SLIT3: variants seen among roughly 807,000 people sequenced by gnomAD.
The protein encoded by SLIT3 is slit guidance ligand 3, also known as slit homolog 3 protein.
Under a neutral mutation model 184.0 loss-of-function variants are expected in SLIT3, and 68 were observed. The ratio of observed to expected loss-of-function variants is 0.37; its 90% CI spans 0.30 to 0.45. The LOEUF (loss-of-function observed/expected upper bound fraction) is 0.45. SLIT3 is among the 20% of genes least tolerant of loss of function. The probability of loss-of-function intolerance (pLI) is 1.00; values close to 1 mark genes in which losing one functional copy is unlikely to be tolerated. For missense variants in SLIT3, 1,707 were observed against 2,026.0 expected (o/e 0.84, Z 3.02); for synonymous variants, 831 against 828.6 (o/e 1.00, Z -0.05).
intron 23 of SLIT3, among the ~76,000 whole-genome samples, chr5:168,717,121 T>C (rs1001961708): frequency 6.6e-5 from 8 of 121,886 alleles, no homozygotes; most frequent in African/African-American, 3.4e-5. Context: ...GTCTCAGTCC[T>C]GGAAGCACAA....
chr5:169,274,991 T>C (rs1243687118), intron 1 of SLIT3, among the ~76,000 whole-genome samples: 1 of 152,256 alleles, frequency 6.6e-6, no homozygotes, highest in Non-Finnish European at 1.5e-5. Context: ...AAGTGATCTA[T>C]AAACGTTAGC....
intron 4 of SLIT3, among the ~76,000 whole-genome samples, chr5:169,188,193 A>C (rs761683019): frequency 6.6e-6 from 1 of 152,180 alleles, no homozygotes; most frequent in Admixed American, 6.5e-5. Context: ...TCCTGAGCTC[A>C]GGCAATCCGA....
rs769663567 is a variant in SLIT3, at chr5:168,844,631, G to A, written c.510C>T (p.Ser170=). Residue 170 remains serine (S), a synonymous_variant, in exon 6 of 36, where the codon AGC becomes AGT. Transcript: ENST00000519560. ...KNLQLDNNHI[S]CIEDGAFRAL... ...CTCGGAAGGCTCCATCTTCAATGCA[G>A]CTGATGTGGTTGTTGTCCAGTTGCC... 1.7e-5 allele frequency: 28 copies of A among 1,614,092 alleles called. No individual in the cohort carries two copies. The highest frequency in any genetic ancestry group is 1.3e-4 in the East Asian group (6 of 44,882).
intron 14 of SLIT3, among the ~76,000 whole-genome samples, chr5:168,771,198 G>A (rs968273918): frequency 1.3e-5 from 2 of 152,162 alleles, no homozygotes; most frequent in Non-Finnish European, 2.9e-5. Context: ...CGTGAGTCAT[G>A]AGGAAAGGTG....
At chr5:169,245,234 A>G (rs1301342641) in intron 2 of SLIT3, among the ~76,000 whole-genome samples, 1 of 152,070 alleles carries the variant, frequency 6.6e-6, no homozygotes, top group Non-Finnish European at 1.5e-5. Flanking sequence ...GTCGCTAAGA[A>G]AACCAGCCTG....
intron 23 of SLIT3, among the ~76,000 whole-genome samples, chr5:168,721,978 G>C (rs955156122): frequency 3.3e-5 from 5 of 152,186 alleles, no homozygotes; most frequent in African/African-American, 1.2e-4. Flanking sequence ...CACAAAGGAG[G>C]TGCTATTGAT....
At chr5:168,735,661 TACACACAC>T (rs150528782) in intron 20 of SLIT3, among the ~76,000 whole-genome samples, 1,789 of 142,158 alleles carry the variant, frequency 0.013, 27 homozygotes, top group African/African-American at 0.038. Context: ...GACAGATAGA[TACACACAC>T]ACACACACAC....
At position 168,665,130 on chromosome 5, in the gene SLIT3, G is replaced by A. The variant is rs1229643707; in HGVS notation, c.*1324C>T. The A allele has an allele frequency of 6.6e-6, 1 of 152,214 alleles. No individual in the cohort carries two copies. Among genetic ancestry groups the A allele is most frequent in the Non-Finnish European group, 1.5e-5 (1 of 68,076 alleles). The allele number at this position is 152,214 out of a possible 1,614,324, so 9.4% of individuals were successfully genotyped here. A position where few individuals can be genotyped will look rare whatever the true frequency, so the allele number is the denominator to read the frequency against. On this transcript the variant is annotated 3_prime_UTR_variant, in exon 36 of 36. Transcript: ENST00000519560. Reference sequence around the variant, plus strand: ...CTGGTCTGGCTCCTCCACTTATCTGGTGTGTGGCTTAAGGCAAGTTCCAGA... The same window carrying A: ...CTGGTCTGGCTCCTCCACTTATCTGATGTGTGGCTTAAGGCAAGTTCCAGA...
chr5:169,255,285 G>A (rs768591394), intron 1 of SLIT3, among the ~76,000 whole-genome samples: 16 of 152,246 alleles, frequency 1.1e-4, no homozygotes, highest in Middle Eastern at 3.4e-3. Context: ...TCCTTGAGGA[G>A]GTATTCCAGA....
chr5:168,683,942 GTC>G (rs1186103765), intron 32 of SLIT3, 22 bp downstream of exon 32: 1 of 1,491,220 alleles, frequency 6.7e-7, no homozygotes, highest in East Asian at 2.5e-5. Flanking sequence ...CACACAGTGG[GTC>G]AGGAGGGAGA....
intron 1 of SLIT3, among the ~76,000 whole-genome samples, chr5:169,298,178 G>A (rs759747624): frequency 1.5e-4 from 23 of 152,026 alleles, no homozygotes; most frequent in African/African-American, 4.8e-4. Flanking sequence ...ATACCATCGC[G>A]GCACCCCCAT....
intron 1 of SLIT3, among the ~76,000 whole-genome samples, chr5:169,275,195 T>A (rs984848572): frequency 6.6e-6 from 1 of 152,176 alleles, no homozygotes; most frequent in African/African-American, 2.4e-5. Flanking sequence ...GTACTTCTCA[T>A]GCATAGGTGC....
At chr5:169,131,133 A>G (rs965039948) in intron 4 of SLIT3, among the ~76,000 whole-genome samples, 1 of 152,196 alleles carries the variant, frequency 6.6e-6, no homozygotes, top group Non-Finnish European at 1.5e-5. Context: ...AAGTTAGCTC[A>G]CCCATTGGCT....
At position 168,666,299 on chromosome 5, in the gene SLIT3, T is replaced by TTTTTG; in HGVS notation, c.*150_*154dup. 1 of 638,228 alleles carries TTTTTG rather than the reference T, an allele frequency of 1.6e-6. No individual in the cohort carries two copies. Among genetic ancestry groups the TTTTTG allele is most frequent in the Non-Finnish European group, 2.4e-6 (1 of 416,540 alleles). The allele number at this position is 638,228 out of a possible 1,614,324, so 39.5% of individuals were successfully genotyped here. ...TTTCCATAATAAAAATAAGTTCTATTTTTTGTTTATTTTACAATATACTTA... is the reference window on the plus strand; with the variant it reads ...TTTCCATAATAAAAATAAGTTCTATTTTTTGTTTTGTTTATTTTACAATATACTTA... On this transcript the variant is annotated 3_prime_UTR_variant, in exon 36 of 36. Transcript: ENST00000519560.
intron 4 of SLIT3, among the ~76,000 whole-genome samples, chr5:169,177,554 T>G (rs1433098051): frequency 6.6e-6 from 1 of 152,106 alleles, no homozygotes; most frequent in African/African-American, 2.4e-5. Flanking sequence ...GTAAGCAGGG[T>G]GCAGTGACCC....
chr5:168,895,471 C>T (rs1424007899), intron 4 of SLIT3, among the ~76,000 whole-genome samples: 1 of 152,176 alleles, frequency 6.6e-6, no homozygotes, highest in African/African-American at 2.4e-5. Flanking sequence ...AGATGCTATC[C>T]TGGGGCCATC....
chr5:168,948,849 A>T (rs1416919979), intron 4 of SLIT3, among the ~76,000 whole-genome samples: 1 of 152,180 alleles, frequency 6.6e-6, no homozygotes, highest in Non-Finnish European at 1.5e-5. Context: ...TGGGTTTGGA[A>T]ATCATTGGTG....
intron 3 of SLIT3, among the ~76,000 whole-genome samples, chr5:169,227,083 T>G (rs75774598): frequency 0.022 from 3,378 of 152,144 alleles, 83 homozygotes; most frequent in African/African-American, 0.057. Flanking sequence ...GTCTACAAGA[T>G]AATGGATAAG....
rs1374544181 is a variant in SLIT3, at chr5:168,662,862, G to A, written c.*3592C>T. 6.6e-6 allele frequency: 1 copy of A among 152,186 alleles called. No individual in the cohort carries two copies. The highest frequency in any genetic ancestry group is 1.5e-5 in the Non-Finnish European group (1 of 68,046). 9.4% of individuals were successfully genotyped at this position (152,186 alleles called of 1,614,324 possible). On this transcript the variant is annotated 3_prime_UTR_variant, in exon 36 of 36. Transcript: ENST00000519560. Reference sequence around the variant, plus strand: ...ATTAACTGAACTCTTCCTGCCTCATGGAATGTCCTGTTTCTAGAATGTGAC... The same window carrying A: ...ATTAACTGAACTCTTCCTGCCTCATAGAATGTCCTGTTTCTAGAATGTGAC...
Sources: gnomAD v4.1 joint callset for allele counts (sites outside exome capture counted in the v4.1 genomes callset) on GRCh38, gnomAD v4.1.1 for gene constraint, MANE v1.5 for transcripts, NCBI Gene and HGNC (gene_info 2026-07-23, HGNC 2026-07-21) for gene names.